Variants in MTMR3 observed in about 807,000 individuals in gnomAD.
The protein encoded by MTMR3 is myotubularin related protein 3.
A neutral mutation model predicts 132.4 loss-of-function variants in MTMR3; 32 were observed. The observed-to-expected ratio is 0.24, with a 90% CI of 0.18 to 0.32. The LOEUF (loss-of-function observed/expected upper bound fraction) is 0.32, where lower values mean the gene tolerates loss of function less well. Ranked by LOEUF, MTMR3 falls within the 10% of genes least tolerant of loss-of-function variation. The probability of loss-of-function intolerance (pLI) is 1.00; values close to 1 mark genes in which losing one functional copy is unlikely to be tolerated. For missense variants in MTMR3, 1,216 were observed against 1,489.6 expected (o/e 0.82, Z 3.02); for synonymous variants, 556 against 550.3 (o/e 1.01, Z -0.14).
At position 30,030,642 on chromosome 22, in the gene MTMR3, G is replaced by A. The variant is rs542043560; in HGVS notation, c.*4841G>A. On this transcript the variant is annotated 3_prime_UTR_variant, in exon 20 of 20. Coordinates refer to ENST00000401950, the MANE Select transcript of MTMR3 (RefSeq NM_021090.4). ...GGGCTCTCAGCGAGGAGGGGGCGGG[G>A]GGGGGGTCACTATTTATCTTCCAGA... is the stretch of plus-strand genomic sequence containing the variant. 1 of 108,366 alleles carries A rather than the reference G, an allele frequency of 9.2e-6. No individual in the cohort carries two copies. The highest frequency in any genetic ancestry group is 1.0e-4 in the Admixed American group (1 of 9,752). 6.7% of individuals were successfully genotyped at this position (108,366 alleles called of 1,614,324 possible). A position where few individuals can be genotyped will look rare whatever the true frequency, so the allele number is the denominator to read the frequency against.
intron 1 of MTMR3, among the ~76,000 whole-genome samples, chr22:29,932,478 T>A (rs1024808878): frequency 1.3e-5 from 2 of 152,190 alleles, no homozygotes; most frequent in East Asian, 3.8e-4. Context: ...ATTAGTAAAG[T>A]TATAATCAAA....
intron 1 of MTMR3, among the ~76,000 whole-genome samples, chr22:29,889,530 G>A (rs1291087247): frequency 2.0e-5 from 3 of 151,626 alleles, no homozygotes; most frequent in African/African-American, 4.8e-5. Context: ...CAGGTGATCC[G>A]CCTGCCTTCG....
intron 1 of MTMR3, among the ~76,000 whole-genome samples, chr22:29,909,859 AAAGTGGGCCC>A (rs1212144239): frequency 6.6e-6 from 1 of 152,170 alleles, no homozygotes; most frequent in Non-Finnish European, 1.5e-5. Flanking sequence ...AAATTAGTAG[AAAGTGGGCCC>A]TTTTGGCCGG....
intron 1 of MTMR3, among the ~76,000 whole-genome samples, chr22:29,945,241 GC>G (rs1393339469): frequency 2.0e-5 from 3 of 152,136 alleles, no homozygotes; most frequent in African/African-American, 7.2e-5. Context: ...CTAGGCTCCA[GC>G]AGTTCTCCTG....
At chr22:29,920,990 C>T (rs1394757356) in intron 1 of MTMR3, among the ~76,000 whole-genome samples, 2 of 82,184 alleles carry the variant, frequency 2.4e-5, no homozygotes, top group Non-Finnish European at 5.4e-5. Flanking sequence ...GTGGGGGTGG[C>T]GGGGGTGGTC....
intron 2 of MTMR3, 105 bp from the exon 3 acceptor site, chr22:29,970,871 C>T (rs926647750): frequency 1.9e-5 from 11 of 565,278 alleles, no homozygotes; most frequent in Non-Finnish European, 2.8e-5. Context: ...TGTGTATATA[C>T]AATACCTTTG....
In MTMR3 at chr22:29,894,482, C is replaced by T. The variant is rs565511211; in HGVS notation, c.-138+11123C>T. On this transcript the variant is annotated intron_variant, in intron 1 of 19. Transcript: ENST00000401950. ...CACTCTGTAAACACAGAACTCAGCC[C>T]GAACTCCCAAGTTCTGTATCCGTGT... Among the ~76,000 whole-genome samples the T allele has an allele frequency of 3.3e-5, 5 of 150,098 alleles. No homozygotes were observed. The East Asian group carries it at 5.9e-4, about 18-fold the overall frequency.
chr22:29,938,565 A>G (rs36595), intron 1 of MTMR3, among the ~76,000 whole-genome samples: 29 of 152,296 alleles, frequency 1.9e-4, no homozygotes, highest in Middle Eastern at 3.4e-3. Flanking sequence ...AGTAAAGTAT[A>G]TGCAAATTCT....
chr22:30,021,480 C>T (rs113732639), intron 17 of MTMR3: 2,080 of 159,084 alleles, frequency 0.013, 36 homozygotes, highest in African/African-American at 0.047. Context: ...AGGTGCTTTC[C>T]TCTCTGGGTG....
chr22:29,942,977 A>G (rs2065886234), intron 1 of MTMR3, among the ~76,000 whole-genome samples: 1 of 152,180 alleles, frequency 6.6e-6, no homozygotes, highest in Non-Finnish European at 1.5e-5. Flanking sequence ...GGAAATCACA[A>G]GGGTATTGGT....
intron 1 of MTMR3, among the ~76,000 whole-genome samples, chr22:29,929,729 G>T (rs1196696700): frequency 6.6e-6 from 1 of 152,112 alleles, no homozygotes; most frequent in Non-Finnish European, 1.5e-5. Flanking sequence ...AGTCAGGATG[G>T]TCTTGATCTC....
intron 1 of MTMR3, among the ~76,000 whole-genome samples, chr22:29,932,414 T>C (rs1305726012): frequency 2.6e-5 from 4 of 152,256 alleles, no homozygotes; most frequent in Non-Finnish European, 4.4e-5. Context: ...CTTTTCAAAA[T>C]GTTCCTTTTT....
intron 17 of MTMR3, 23 bp from the exon 18 acceptor site, chr22:30,022,006 C>A: frequency 6.4e-7 from 1 of 1,570,956 alleles, no homozygotes; most frequent in South Asian, 1.1e-5. Context: ...TCATTCTGTT[C>A]AGCTGTGTTT....
intron 19 of MTMR3, chr22:30,023,775 G>C: frequency 2.3e-6 from 1 of 435,144 alleles, no homozygotes; most frequent in Non-Finnish European, 4.2e-6. Context: ...GAACCAGTTG[G>C]GTTTTCAGAG....
chr22:29,893,869 G>A (rs1402434935), intron 1 of MTMR3, among the ~76,000 whole-genome samples: 3 of 151,606 alleles, frequency 2.0e-5, no homozygotes, highest in Middle Eastern at 3.4e-3. Context: ...TTTTTAAGAC[G>A]GAGTCTCACT....
rs2066999266 is a variant in MTMR3, at chr22:29,993,297, A to AT, written c.460+1633dup. ...TGAAATGCCATCACATTTTAAATAC[A>AT]TTTTTTCATTTTTTATGGCTCTTTT... is the stretch of plus-strand genomic sequence containing the variant. On this transcript the variant is annotated intron_variant, in intron 7 of 19. Coordinates refer to ENST00000401950, the MANE Select transcript of MTMR3 (RefSeq NM_021090.4). 5 of 152,182 alleles carry AT rather than the reference A, an allele frequency of 3.3e-5. No individual in the cohort carries two copies. The South Asian group carries it at 1.0e-3, about 32-fold the overall frequency. The allele number at this position is 152,182 out of a possible 1,614,324, so 9.4% of individuals were successfully genotyped here.
intron 1 of MTMR3, among the ~76,000 whole-genome samples, chr22:29,894,286 TG>T (rs2064852430): frequency 6.6e-6 from 1 of 151,852 alleles, no homozygotes; most frequent in African/African-American, 2.4e-5. Context: ...ATGGGAGGAG[TG>T]GGGCAGGTAA....
chr22:30,027,493 CT>C lies in MTMR3; in HGVS notation c.*1696del, dbSNP rs2067933865. 1 of 152,724 alleles carries C rather than the reference CT, an allele frequency of 6.5e-6. No individual in the cohort carries two copies. The highest frequency in any genetic ancestry group is 2.4e-5 in the African/African-American group (1 of 41,422). The allele number at this position is 152,724 out of a possible 1,614,324, so 9.5% of individuals were successfully genotyped here. A position where few individuals can be genotyped will look rare whatever the true frequency, so the allele number is the denominator to read the frequency against. ...GAACGTGGTGAAACAGGGTGTAGTT[CT>C]TTTCCACATTCTGTGTCATCTAGTC... On this transcript the variant is annotated 3_prime_UTR_variant, in exon 20 of 20. Coordinates refer to ENST00000401950, the MANE Select transcript of MTMR3 (RefSeq NM_021090.4).
chr22:30,017,796 C>A, intron 15 of MTMR3, 131 bp from the exon 16 acceptor site: 1 of 1,144,556 alleles, frequency 8.7e-7, no homozygotes. Context: ...TCCATTGGTG[C>A]TGCTTCTTTG....
Sources: allele counts gnomAD v4.1 joint callset (sites outside exome capture counted in the v4.1 genomes callset), GRCh38; gene constraint gnomAD v4.1.1; transcripts MANE v1.5; gene names NCBI Gene and HGNC (gene_info 2026-07-23, HGNC 2026-07-21).